The following ZCCHC24 variants were observed in gnomAD, a reference collection of about 807,000 sequenced individuals.
The protein encoded by ZCCHC24 is zinc finger CCHC domain-containing protein 24.
ZCCHC24 carries 10 observed loss-of-function variants against 26.2 expected under a neutral mutation model. The ratio of observed to expected loss-of-function variants is 0.38; its 90% CI spans 0.24 to 0.65. ZCCHC24 has a LOEUF of 0.65. Among genes scored for constraint, ZCCHC24 ranks in the 30% least tolerant of loss-of-function variants. The pLI is 0.54. For synonymous variants in ZCCHC24, 144 were observed against 147.1 expected, an observed-to-expected ratio of 0.98 and a Z score of 0.15; for missense variants, 243 against 329.1, an observed-to-expected ratio of 0.74 and a Z score of 2.03.
intron 2 of ZCCHC24, among the ~76,000 whole-genome samples, chr10:79,395,885 TC>T (rs1856540247): frequency 6.6e-6 from 1 of 152,206 alleles, no homozygotes. Context: ...AGTGGACAAA[TC>T]AATTGGTTTT....
intron 3 of ZCCHC24, among the ~76,000 whole-genome samples, chr10:79,389,188 G>T (rs1856438266): frequency 6.6e-6 from 1 of 152,194 alleles, no homozygotes; most frequent in African/African-American, 2.4e-5. Context: ...ACTGGCACCT[G>T]CCAGCTGCAC....
At chr10:79,431,333 A>C (rs1857124286) in intron 2 of ZCCHC24, among the ~76,000 whole-genome samples, 1 of 152,186 alleles carries the variant, frequency 6.6e-6, no homozygotes, top group Non-Finnish European at 1.5e-5. Flanking sequence ...GCTGGGAGCC[A>C]ATAGCCTCCT....
At chr10:79,415,621 C>T (rs1309973291) in intron 2 of ZCCHC24, among the ~76,000 whole-genome samples, 1 of 152,068 alleles carries the variant, frequency 6.6e-6, no homozygotes, top group Non-Finnish European at 1.5e-5. Context: ...CTGAGGGTAC[C>T]CCCTCACTCC....
rs759518581 is a variant in ZCCHC24, at chr10:79,386,311, CG to C, written c.*33del. On this transcript the variant is annotated 3_prime_UTR_variant, in exon 4 of 4. Coordinates refer to ENST00000372336, the MANE Select transcript of ZCCHC24 (RefSeq NM_153367.4). ...GGGAAGCAGCGTCTCCTCGGGCTGG[CG>C]GGGGGTGGCTCTGGGTGCGGGCGGG... 1.8e-5 allele frequency: 28 copies of C among 1,592,976 alleles called. No homozygotes were observed. The highest frequency in any genetic ancestry group is 5.4e-5 in the African/African-American group (4 of 74,606).
intron 2 of ZCCHC24, among the ~76,000 whole-genome samples, chr10:79,406,031 G>A (rs1474721072): frequency 6.6e-6 from 1 of 152,214 alleles, no homozygotes; most frequent in East Asian, 1.9e-4. Flanking sequence ...CCATCTCTGG[G>A]TGAGCGCTGG....
chr10:79,406,743 G>A (rs1327879890), intron 2 of ZCCHC24, among the ~76,000 whole-genome samples: 1 of 152,216 alleles, frequency 6.6e-6, no homozygotes, highest in South Asian at 2.1e-4. Context: ...ACACAGGCAG[G>A]AAACAGCAGA....
In ZCCHC24 at chr10:79,445,201, G is replaced by T; in HGVS notation, c.240C>A (p.Arg80=). The change falls in exon 1 of 4, where the codon CGC becomes CGA. Residue 80 remains arginine, a synonymous_variant. Coordinates refer to ENST00000372336, the MANE Select transcript of ZCCHC24 (RefSeq NM_153367.4). ...GGCGCGCGGGGGCACCCACCTCTCC[G>T]CGCTGCAGCTGGAAGAAGCTGTTGA... is the stretch of plus-strand genomic sequence containing the variant. ...SYLNSFFQLQ[R]GEALSNSVYK... 7.8e-7 allele frequency: 1 copy of T among 1,287,670 alleles called. No homozygotes were observed. 79.8% of individuals were successfully genotyped at this position (1,287,670 alleles called of 1,614,324 possible).
intron 2 of ZCCHC24, among the ~76,000 whole-genome samples, chr10:79,413,375 T>A (rs951320726): frequency 1.3e-5 from 2 of 152,198 alleles, no homozygotes; most frequent in Non-Finnish European, 2.9e-5. Flanking sequence ...GAGCCTGATG[T>A]GCACTGGCAC....
At chr10:79,433,439 G>C (rs1429277400) in intron 1 of ZCCHC24, among the ~76,000 whole-genome samples, 1 of 152,220 alleles carries the variant, frequency 6.6e-6, no homozygotes, top group Non-Finnish European at 1.5e-5. Context: ...ACAGGAACCA[G>C]ACATCTTGCT....
At chr10:79,399,663 A>T (rs1806609235) in intron 2 of ZCCHC24, among the ~76,000 whole-genome samples, 1 of 152,180 alleles carries the variant, frequency 6.6e-6, no homozygotes, top group African/African-American at 2.4e-5. Context: ...TGGGATCCTC[A>T]CACGAGGGCA....
intron 3 of ZCCHC24, among the ~76,000 whole-genome samples, chr10:79,387,577 TG>T (rs1446558134): frequency 1.3e-5 from 2 of 152,156 alleles, no homozygotes; most frequent in African/African-American, 4.8e-5. Flanking sequence ...TGCATGGACA[TG>T]GGGGGCTCAC....
rs564753166 is a variant in ZCCHC24 at position 79,398,087 on chromosome 10, G to C, written c.448-3647C>G. Among the ~76,000 whole-genome samples, 16 of 152,348 alleles carry C rather than the reference G, an allele frequency of 1.1e-4. No individual in the cohort carries two copies. In the South Asian group the frequency reaches 3.3e-3, roughly 32 times the overall value. On this transcript the variant is annotated intron_variant, in intron 2 of 3. Transcript: ENST00000372336. ...GGCGTGTGGGCTGCTTGGCAGGCAA[G>C]GGATGGGGCCCCAGCCTCCTGCAGG...
intron 2 of ZCCHC24, among the ~76,000 whole-genome samples, chr10:79,416,498 G>A (rs968535947): frequency 1.1e-4 from 16 of 152,090 alleles, no homozygotes; most frequent in Non-Finnish European, 2.1e-4. Flanking sequence ...GTGGGGAGGA[G>A]GGGATTAGAA....
intron 3 of ZCCHC24, among the ~76,000 whole-genome samples, chr10:79,393,868 C>T (rs1856508512): frequency 1.3e-5 from 2 of 152,124 alleles, no homozygotes. Context: ...GTGGCTTTCC[C>T]TGTGCAGCTG....
chr10:79,401,569 G>A (rs1354044139), intron 2 of ZCCHC24, among the ~76,000 whole-genome samples: 2 of 152,226 alleles, frequency 1.3e-5, no homozygotes, highest in Admixed American at 6.5e-5. Context: ...ACCAAGCCGG[G>A]ATGGTGAGAA....
chr10:79,424,253 G>A (rs527447776), intron 2 of ZCCHC24, among the ~76,000 whole-genome samples: 2 of 152,326 alleles, frequency 1.3e-5, no homozygotes, highest in East Asian at 3.9e-4. Flanking sequence ...GACAGAGGGA[G>A]CCTTTCCTGT....
rs1234115404 is a variant in ZCCHC24, at chr10:79,445,261, G to C, written c.180C>G (p.Pro60=). 9 of 1,429,722 alleles carry C rather than the reference G, an allele frequency of 6.3e-6. No individual in the cohort carries two copies. Among genetic ancestry groups the C allele is most frequent in the South Asian group, 4.3e-5 (3 of 70,258 alleles). 88.6% of individuals were successfully genotyped at this position (1,429,722 alleles called of 1,614,324 possible). ...AGTGCAGGGGCGAGCCCAGCTGCTC[G>C]GGGCGGCCCTTGCCGAAGGCCAGCT... ...PPELAFGKGR[P]EQLGSPLHSS... Residue 60 remains proline (P), a synonymous_variant, in exon 1 of 4, where the codon CCC becomes CCG. Transcript: ENST00000372336.
At chr10:79,440,261 T>C (rs1180627257) in intron 1 of ZCCHC24, among the ~76,000 whole-genome samples, 1 of 152,196 alleles carries the variant, frequency 6.6e-6, no homozygotes, top group Non-Finnish European at 1.5e-5. Context: ...CAGACTAGGA[T>C]ATGGGTGCAG....
intron 1 of ZCCHC24, among the ~76,000 whole-genome samples, chr10:79,436,486 G>A (rs1857218824): frequency 6.6e-6 from 1 of 152,232 alleles, no homozygotes; most frequent in South Asian, 2.1e-4. Context: ...AGCCCAGTCA[G>A]CACTGCGGTT....
Sources: gnomAD v4.1 joint callset for allele counts (sites outside exome capture counted in the v4.1 genomes callset) on GRCh38, gnomAD v4.1.1 for gene constraint, MANE v1.5 for transcripts, NCBI Gene and HGNC (gene_info 2026-07-23, HGNC 2026-07-21) for gene names.